The following WDR25 variants were observed in gnomAD, a reference collection of about 807,000 sequenced individuals.
WDR25 encodes the protein WD repeat-containing protein 25.
A neutral mutation model predicts 47.7 loss-of-function variants in WDR25; 35 were observed. The observed-to-expected ratio is 0.73, with a 90% CI of 0.56 to 0.97. WDR25 has a LOEUF of 0.97. Ranked by LOEUF, WDR25 falls within the 50% of genes least tolerant of loss-of-function variation. WDR25 has a pLI of 0.00. For synonymous variants in WDR25, 248 were observed against 278.9 expected (o/e 0.89, Z 1.10); for missense variants, 634 against 704.7 (o/e 0.90, Z 1.14).
At chr14:100,378,681 G>GGATCCT (rs1896792841) in intron 1 of WDR25, among the ~76,000 whole-genome samples, 1 of 86,324 alleles carries the variant, frequency 1.2e-5, no homozygotes, top group African/African-American at 3.2e-5. Flanking sequence ...CAGGCAGGCC[G>GGATCCT]GGCGCGGTGG....
chr14:100,498,025 A>G lies in WDR25; in HGVS notation c.1101+13901A>G, dbSNP rs1402568802. On this transcript the variant is annotated intron_variant, in intron 4 of 6. Coordinates refer to ENST00000402312, the MANE Select transcript of WDR25 (RefSeq NM_001161476.3). The surrounding 1 kb of genome is among the most constrained non-coding windows in gnomAD (Gnocchi z 4.2). ...TGAATAAGTGATTGTGCCAACCTCCATGGACCTGCAGTATAACTCTGCAAA... is the reference window on the plus strand; with the variant it reads ...TGAATAAGTGATTGTGCCAACCTCCGTGGACCTGCAGTATAACTCTGCAAA... Among the ~76,000 whole-genome samples, 2 of 152,206 alleles carry G rather than the reference A, an allele frequency of 1.3e-5. No individual in the cohort carries two copies. Among genetic ancestry groups the G allele is most frequent in the Non-Finnish European group, 2.9e-5 (2 of 68,034 alleles).
rs566953547 is a variant in WDR25 at position 100,462,395 on chromosome 14, G to T, written c.823-5626G>T. ...TTAATTGAAAAAAGCACGCACTTCA[G>T]TCTGCTGCAATGTTGGGGAATTAAT... On this transcript the variant is annotated intron_variant, in intron 2 of 6. Coordinates refer to ENST00000402312, the MANE Select transcript of WDR25 (RefSeq NM_001161476.3). 2.0e-5 allele frequency among the ~76,000 whole-genome samples: 3 copies of T among 152,330 alleles called. 1 individual carries two copies. The highest frequency in any genetic ancestry group is 7.2e-5 in the African/African-American group (3 of 41,574).
intron 3 of WDR25, among the ~76,000 whole-genome samples, chr14:100,470,267 G>T (rs1207816513): frequency 6.6e-6 from 1 of 152,194 alleles, no homozygotes; most frequent in Non-Finnish European, 1.5e-5. Flanking sequence ...ATGGGGTGCA[G>T]GGGCTGGGGC....
At position 100,525,791 on chromosome 14, in the gene WDR25, C is replaced by T; in HGVS notation, c.1102-79C>T. On this transcript the variant is annotated intron_variant, in intron 4 of 6. Coordinates refer to ENST00000402312, the MANE Select transcript of WDR25 (RefSeq NM_001161476.3). This position sits in a 1 kb window ranked among gnomAD's most constrained non-coding sequence, Gnocchi z 4.6. ...AAACTTCACTAAACCTGCCTGCCCC[C>T]TGGGTCCTTGGCCTTCCCTGCATAG... 2 of 1,548,662 alleles carry T rather than the reference C, an allele frequency of 1.3e-6. No individual in the cohort carries two copies. The highest frequency in any genetic ancestry group is 8.7e-7 in the Non-Finnish European group (1 of 1,144,894).
intron 4 of WDR25, among the ~76,000 whole-genome samples, chr14:100,516,710 T>C (rs905659382): frequency 6.6e-6 from 1 of 152,156 alleles, no homozygotes; most frequent in Non-Finnish European, 1.5e-5. Context: ...ATTTTTAATA[T>C]GGTATATTTT....
intron 2 of WDR25, among the ~76,000 whole-genome samples, chr14:100,464,945 C>T (rs1268016588): frequency 2.7e-5 from 4 of 150,058 alleles, no homozygotes; most frequent in Non-Finnish European, 5.9e-5. Context: ...AAGTCCCCTA[C>T]TCCATCTCCT....
At chr14:100,507,829 C>CT (rs1489665165) in intron 4 of WDR25, among the ~76,000 whole-genome samples, 2 of 152,024 alleles carry the variant, frequency 1.3e-5, no homozygotes, top group Non-Finnish European at 2.9e-5. Flanking sequence ...TTGGCATAGT[C>CT]TTTAGGGTTT....
chr14:100,442,706 A>C (rs1003779614), intron 2 of WDR25, among the ~76,000 whole-genome samples: 1 of 152,244 alleles, frequency 6.6e-6, no homozygotes. Flanking sequence ...CTGTGTACTA[A>C]GCACATTTGC....
intron 3 of WDR25, among the ~76,000 whole-genome samples, chr14:100,477,502 G>A (rs902007389): frequency 2.0e-5 from 3 of 152,110 alleles, no homozygotes; most frequent in Non-Finnish European, 2.9e-5. Flanking sequence ...AAGCAAGATG[G>A]TCTTAAGGTT....
At chr14:100,447,402 C>T (rs1248168438) in intron 2 of WDR25, among the ~76,000 whole-genome samples, 2 of 152,218 alleles carry the variant, frequency 1.3e-5, no homozygotes, top group African/African-American at 4.8e-5. Flanking sequence ...AGTAGGGGGG[C>T]ACGTGTGCTG....
chr14:100,463,730 C>T (rs963673598), intron 2 of WDR25, among the ~76,000 whole-genome samples: 3 of 152,152 alleles, frequency 2.0e-5, no homozygotes, highest in Admixed American at 1.3e-4. Context: ...CCAGGTCCTC[C>T]TTCCCTCAAA....
chr14:100,481,934 A>C (rs1197495136), intron 3 of WDR25, among the ~76,000 whole-genome samples: 1 of 152,236 alleles, frequency 6.6e-6, no homozygotes, highest in African/African-American at 2.4e-5. Context: ...ATTTGCTTCC[A>C]AATTTTGACC....
intron 2 of WDR25, among the ~76,000 whole-genome samples, chr14:100,444,695 C>T (rs902545753): frequency 2.0e-5 from 3 of 152,182 alleles, no homozygotes; most frequent in African/African-American, 7.2e-5. Context: ...GGTGCATTCA[C>T]AGTACTAGTG....
At chr14:100,514,138 G>A (rs901510445) in intron 4 of WDR25, among the ~76,000 whole-genome samples, 4 of 151,518 alleles carry the variant, frequency 2.6e-5, no homozygotes, top group Non-Finnish European at 4.4e-5. Context: ...GGGTTTCACC[G>A]TGTTAGCCAG....
intron 2 of WDR25, among the ~76,000 whole-genome samples, chr14:100,465,083 C>T (rs978488673): frequency 6.6e-6 from 1 of 152,036 alleles, no homozygotes; most frequent in Non-Finnish European, 1.5e-5. Context: ...CCCTCCCTTC[C>T]TAGGAGTGAT....
chr14:100,495,684 C>T (rs116170853), intron 4 of WDR25, among the ~76,000 whole-genome samples: 206 of 152,290 alleles, frequency 1.4e-3, no homozygotes, highest in African/African-American at 4.7e-3. Context: ...GTTTGCCTTA[C>T]GATCTCACTT....
intron 3 of WDR25, among the ~76,000 whole-genome samples, chr14:100,480,535 A>T (rs1405066382): frequency 2.0e-5 from 3 of 152,228 alleles, no homozygotes; most frequent in Non-Finnish European, 4.4e-5. Flanking sequence ...AGGGTGAAAG[A>T]GTAACTACTT....
At chr14:100,444,061 T>C (rs2140251291) in intron 2 of WDR25, among the ~76,000 whole-genome samples, 1 of 152,240 alleles carries the variant, frequency 6.6e-6, no homozygotes, top group East Asian at 1.9e-4. Context: ...ATCCTGTCCA[T>C]AGCCCCACTT....
intron 4 of WDR25, among the ~76,000 whole-genome samples, chr14:100,490,321 G>A (rs7494276): frequency 6.6e-6 from 1 of 152,224 alleles, no homozygotes; most frequent in Non-Finnish European, 1.5e-5. Flanking sequence ...GCAAACTGTC[G>A]CATGAATGAC....
Sources: allele counts gnomAD v4.1 joint callset (sites outside exome capture counted in the v4.1 genomes callset), GRCh38; gene constraint gnomAD v4.1.1; non-coding constraint Gnocchi (gnomAD v3.1); transcripts MANE v1.5; gene names NCBI Gene and HGNC (gene_info 2026-07-23, HGNC 2026-07-21).